NCOA3: variants seen among roughly 807,000 people sequenced by gnomAD.
The protein encoded by NCOA3 is nuclear receptor coactivator 3.
Under a neutral mutation model 158.8 loss-of-function variants are expected in NCOA3, and 51 were observed. That is an observed-to-expected ratio of 0.32 (90% CI 0.26 to 0.41). NCOA3 has a LOEUF of 0.41. NCOA3 is among the 10% of genes least tolerant of loss of function. The probability of loss-of-function intolerance (pLI) is 1.00; values close to 1 mark genes in which losing one functional copy is unlikely to be tolerated. For synonymous variants in NCOA3, 537 were observed against 592.4 expected, an observed-to-expected ratio of 0.91 and a Z score of 1.36; for missense variants, 1,510 against 1,746.6, an observed-to-expected ratio of 0.86 and a Z score of 2.41.
chr20:47,530,581 G>T (rs1192097365), intron 1 of NCOA3, among the ~76,000 whole-genome samples: 1 of 150,490 alleles, frequency 6.6e-6, no homozygotes, highest in African/African-American at 2.5e-5. Flanking sequence ...TTCTGCCTCA[G>T]CCTCCCAAGT....
At chr20:47,589,031 A>G (rs1421999860) in intron 2 of NCOA3, among the ~76,000 whole-genome samples, 1 of 151,224 alleles carries the variant, frequency 6.6e-6, no homozygotes, top group Non-Finnish European at 1.5e-5. Flanking sequence ...TGGGACTACA[A>G]ATGCCCAACA....
At chr20:47,503,766 A>G (rs964570162) in intron 1 of NCOA3, among the ~76,000 whole-genome samples, 6 of 152,188 alleles carry the variant, frequency 3.9e-5, no homozygotes, top group Admixed American at 2.0e-4. Context: ...GTTTGTATGT[A>G]CAATGAATCC....
chr20:47,577,014 A>G (rs961783696), intron 1 of NCOA3, among the ~76,000 whole-genome samples: 25 of 152,314 alleles, frequency 1.6e-4, no homozygotes, highest in African/African-American at 5.8e-4. Flanking sequence ...TCAGCCAAAG[A>G]TATCAGGCCT....
At chr20:47,557,454 C>T (rs2085024404) in intron 1 of NCOA3, among the ~76,000 whole-genome samples, 1 of 152,152 alleles carries the variant, frequency 6.6e-6, no homozygotes, top group Admixed American at 6.6e-5. Context: ...TTGCTTAAGG[C>T]CGCATAACTA....
chr20:47,529,440 A>G (rs953326487), intron 1 of NCOA3, among the ~76,000 whole-genome samples: 5 of 151,040 alleles, frequency 3.3e-5, no homozygotes, highest in African/African-American at 1.2e-4. Flanking sequence ...TTTTTGAGAC[A>G]GAGTCTTTGT....
At chr20:47,610,522 G>C (rs1057042332) in intron 2 of NCOA3, among the ~76,000 whole-genome samples, 1 of 152,084 alleles carries the variant, frequency 6.6e-6, no homozygotes, top group African/African-American at 2.4e-5. Context: ...AACTGGCCCG[G>C]AAACATTTTT....
At position 47,639,113 on chromosome 20, in the gene NCOA3, T is replaced by G. The variant is rs762326636; in HGVS notation, c.2618T>G (p.Ile873Ser). Residue 873 changes from isoleucine (I) to serine (S), a missense_variant, in exon 14 of 23, where the codon ATC becomes AGC. Ile to Ser is a moderately radical substitution (Grantham distance 142). Transcript: ENST00000371998. ...SVGSSPPVKN[I>S]SAFPMLPKQP... ...GGCTCAAGTCCTCCAGTAAAAAATATCAGTGCTTTCCCCATGTTACCAAAG... is the reference window on the plus strand; with the variant it reads ...GGCTCAAGTCCTCCAGTAAAAAATAGCAGTGCTTTCCCCATGTTACCAAAG... 6.2e-7 allele frequency: 1 copy of G among 1,614,166 alleles called. No individual in the cohort carries two copies. The highest frequency in any genetic ancestry group is 2.2e-5 in the East Asian group (1 of 44,888).
chr20:47,584,406 G>A (rs909018343), intron 2 of NCOA3, among the ~76,000 whole-genome samples: 2 of 152,166 alleles, frequency 1.3e-5, no homozygotes, highest in East Asian at 3.8e-4. Context: ...GATCACCTGA[G>A]GTTAGGAGTT....
At chr20:47,652,846 G>T in intron 21 of NCOA3, 85 bp from the exon 22 acceptor site, 1 of 1,455,270 alleles carries the variant, frequency 6.9e-7, no homozygotes, top group South Asian at 1.2e-5. Context: ...AGCAATGTTT[G>T]ACACAATTGT....
At chr20:47,507,868 G>A (rs1351043856) in intron 1 of NCOA3, among the ~76,000 whole-genome samples, 2 of 151,976 alleles carry the variant, frequency 1.3e-5, no homozygotes, top group African/African-American at 2.4e-5. Context: ...ATCTGCCCGC[G>A]TCGGCCTCCC....
intron 1 of NCOA3, 37 bp from the exon 2 acceptor site, chr20:47,583,146 A>G: frequency 2.5e-6 from 1 of 398,602 alleles, no homozygotes; most frequent in Non-Finnish European, 4.4e-6. Flanking sequence ...AAGAAAAGAC[A>G]ATAAAATTCA....
At chr20:47,633,784 C>T in intron 9 of NCOA3, 148 bp downstream of exon 9, 1 of 927,254 alleles carries the variant, frequency 1.1e-6, no homozygotes, top group African/African-American at 1.7e-5. Flanking sequence ...GTGCACACCA[C>T]CATACCTGGT....
intron 1 of NCOA3, among the ~76,000 whole-genome samples, chr20:47,533,880 T>C (rs948830797): frequency 1.3e-5 from 2 of 152,122 alleles, no homozygotes; most frequent in Non-Finnish European, 2.9e-5. Context: ...GAGCTGTGGC[T>C]ATGCCACTGT....
At chr20:47,544,300 C>T (rs1346079921) in intron 1 of NCOA3, among the ~76,000 whole-genome samples, 6 of 105,378 alleles carry the variant, frequency 5.7e-5, no homozygotes, top group African/African-American at 1.3e-4. Context: ...CTTTATTTGT[C>T]TTTTATTTAA....
intron 8 of NCOA3, chr20:47,630,388 C>G (rs1450506437): frequency 1.3e-5 from 2 of 151,194 alleles, no homozygotes; most frequent in African/African-American, 4.9e-5. Context: ...TTTTCCCAAA[C>G]CAAACTTGGT....
chr20:47,628,030 A>C lies in NCOA3; in HGVS notation c.823+7A>C. 6.2e-7 allele frequency: 1 copy of C among 1,602,550 alleles called. No individual in the cohort carries two copies. The highest frequency in any genetic ancestry group is 8.5e-7 in the Non-Finnish European group (1 of 1,171,856). ...ACCAGACATGATCTTTCAGGTAAAA[A>C]CTCTTTTTTTGTCTCTCTCTCTCTC... On this transcript the variant is annotated splice_region_variant and intron_variant, in intron 8 of 22. Coordinates refer to ENST00000371998, the MANE Select transcript of NCOA3 (RefSeq NM_181659.3).
intron 1 of NCOA3, among the ~76,000 whole-genome samples, chr20:47,535,315 C>T (rs145432125): frequency 2.0e-5 from 3 of 152,320 alleles, no homozygotes; most frequent in Non-Finnish European, 2.9e-5. Flanking sequence ...GTGTTTCCAG[C>T]TCCTGAAGCC....
At chr20:47,558,527 G>T (rs1018614714) in intron 1 of NCOA3, among the ~76,000 whole-genome samples, 10 of 151,996 alleles carry the variant, frequency 6.6e-5, no homozygotes, top group Non-Finnish European at 1.0e-4. Context: ...ATTTGGCAGG[G>T]TGCAAAGAAC....
chr20:47,534,179 G>A, intron 1 of NCOA3, among the ~76,000 whole-genome samples: 1 of 150,970 alleles, frequency 6.6e-6, no homozygotes, highest in South Asian at 2.1e-4. Flanking sequence ...TGAACAACTA[G>A]AATTGTTTGG....
Sources: allele counts gnomAD v4.1 joint callset (sites outside exome capture counted in the v4.1 genomes callset), GRCh38; gene constraint gnomAD v4.1.1; transcripts MANE v1.5; gene names NCBI Gene and HGNC (gene_info 2026-07-23, HGNC 2026-07-21).